Variants in NR3C1 observed in about 807,000 individuals in gnomAD.
The protein encoded by NR3C1 is glucocorticoid receptor.
A neutral mutation model predicts 74.0 loss-of-function variants in NR3C1; 14 were observed. That is an observed-to-expected ratio of 0.19 (90% CI 0.12 to 0.30). NR3C1 has a LOEUF of 0.30. Among genes scored for constraint, NR3C1 ranks in the 10% least tolerant of loss-of-function variants. The probability of loss-of-function intolerance (pLI) is 1.00; values close to 1 mark genes in which losing one functional copy is unlikely to be tolerated. For missense variants in NR3C1, 695 were observed against 909.8 expected, an observed-to-expected ratio of 0.76 and a Z score of 3.04; for synonymous variants, 308 against 332.5, an observed-to-expected ratio of 0.93 and a Z score of 0.80.
At chr5:143,345,982 T>A (rs1190621283) in intron 2 of NR3C1, among the ~76,000 whole-genome samples, 1 of 152,186 alleles carries the variant, frequency 6.6e-6, no homozygotes, top group Non-Finnish European at 1.5e-5. Context: ...TGATGTTAAG[T>A]GAGAGCTTAC....
chr5:143,315,131 CTT>C (rs1353632033), intron 2 of NR3C1, among the ~76,000 whole-genome samples: 1 of 152,168 alleles, frequency 6.6e-6, no homozygotes, highest in African/African-American at 2.4e-5. Context: ...TTCACCAAGT[CTT>C]AACATTTTGC....
chr5:143,434,665 C>G (rs2151965930), exon 1 of NR3C1: 1 of 985,410 alleles, frequency 1.0e-6, no homozygotes, highest in Non-Finnish European at 1.2e-6. Context: ...TGTTCCTCCC[C>G]ATTCTCGCAC....
At chr5:143,306,835 C>T (rs1036753135) in intron 4 of NR3C1, among the ~76,000 whole-genome samples, 4 of 139,288 alleles carry the variant, frequency 2.9e-5, no homozygotes, top group Non-Finnish European at 6.2e-5. Flanking sequence ...ATTTTTAATA[C>T]AATATTTTGA....
intron 2 of NR3C1, among the ~76,000 whole-genome samples, chr5:143,362,288 A>C (rs1832389381): frequency 6.6e-6 from 1 of 152,092 alleles, no homozygotes; most frequent in Non-Finnish European, 1.5e-5. Flanking sequence ...AGCAGTAGCC[A>C]TGAAAATAAC....
chr5:143,400,083 T>C lies in NR3C1; in HGVS notation c.757A>G (p.Thr253Ala), dbSNP rs775366221. Residue 253 changes from threonine to alanine, a missense_variant, in exon 2 of 9, where the codon ACT (threonine) becomes GCT (alanine). This residue lies in a region of NR3C1 where 497 missense variants were observed against 489.5 expected (regional missense o/e 1.02). Transcript: ENST00000394464. ...CCATTATCCTTAATTTTGGGTTTAG[T>C]GTCCGGTAAAATGAGAGGCTTGCAG... ...EDCKPLILPD[T>A]KPKIKDNGDL... The C allele has an allele frequency of 3.7e-6, 6 of 1,614,240 alleles. No homozygotes were observed. The highest frequency in any genetic ancestry group is 5.1e-6 in the Non-Finnish European group (6 of 1,180,042).
intron 1 of NR3C1, among the ~76,000 whole-genome samples, chr5:143,430,092 AAAG>A (rs1320640004): frequency 6.6e-6 from 1 of 151,702 alleles, no homozygotes; most frequent in Non-Finnish European, 1.5e-5. Context: ...CAAAAAAAAA[AAAG>A]AAAAGAAAAG....
chr5:143,308,239 T>G (rs917447486), intron 4 of NR3C1, among the ~76,000 whole-genome samples: 1 of 151,974 alleles, frequency 6.6e-6, no homozygotes, highest in Admixed American at 6.6e-5. Flanking sequence ...GTTGGGAGGA[T>G]CACTTAAGGC....
intron 4 of NR3C1, among the ~76,000 whole-genome samples, chr5:143,306,494 T>C (rs1457821339): frequency 1.3e-5 from 2 of 152,236 alleles, no homozygotes; most frequent in Non-Finnish European, 2.9e-5. Flanking sequence ...ACAAAAATGA[T>C]AGTTTTACAG....
upstream of NR3C1, among the ~76,000 whole-genome samples, chr5:143,406,674 A>G (rs1313802574): frequency 1.3e-5 from 2 of 152,192 alleles, no homozygotes; most frequent in Non-Finnish European, 2.9e-5. Context: ...CGATTTTTCA[A>G]TATGAGGACA....
At chr5:143,410,143 CA>C (rs1841244310) in intron 1 of NR3C1, among the ~76,000 whole-genome samples, 1 of 152,158 alleles carries the variant, frequency 6.6e-6, no homozygotes, top group African/African-American at 2.4e-5. Context: ...TCATTTGTGG[CA>C]TTTGTGGCTC....
At chr5:143,370,591 T>G (rs1400835650) in intron 2 of NR3C1, among the ~76,000 whole-genome samples, 1 of 152,226 alleles carries the variant, frequency 6.6e-6, no homozygotes, top group East Asian at 1.9e-4. Flanking sequence ...GGCTACAGAC[T>G]TGTACATTGT....
intron 2 of NR3C1, among the ~76,000 whole-genome samples, chr5:143,327,312 C>A (rs1390900700): frequency 1.3e-5 from 2 of 152,032 alleles, no homozygotes; most frequent in Admixed American, 6.5e-5. Context: ...ATGGAAAAAA[C>A]CCCCCCATGA....
intron 1 of NR3C1, among the ~76,000 whole-genome samples, chr5:143,401,588 G>A (rs530795884): frequency 6.6e-6 from 1 of 152,332 alleles, no homozygotes; most frequent in East Asian, 1.9e-4. Flanking sequence ...AAGAGCAGAA[G>A]AGAAGGTGTA....
At chr5:143,349,555 T>C (rs779805541) in intron 2 of NR3C1, among the ~76,000 whole-genome samples, 25 of 152,200 alleles carry the variant, frequency 1.6e-4, no homozygotes, top group Non-Finnish European at 2.8e-4. Flanking sequence ...GCTTCAGTTA[T>C]AGTGGTTTAA....
At chr5:143,430,950 T>G (rs1165372596) in intron 1 of NR3C1, among the ~76,000 whole-genome samples, 8 of 152,226 alleles carry the variant, frequency 5.3e-5, no homozygotes. Context: ...TTATAAGTAA[T>G]TCTGCTTAGG....
chr5:143,374,425 A>G (rs1472500891), intron 2 of NR3C1, among the ~76,000 whole-genome samples: 1 of 151,690 alleles, frequency 6.6e-6, no homozygotes, highest in African/African-American at 2.4e-5. Flanking sequence ...AGGGAGGCGG[A>G]GCTTGCAGTG....
intron 2 of NR3C1, among the ~76,000 whole-genome samples, chr5:143,342,531 G>GA (rs1317253828): frequency 6.6e-6 from 1 of 152,172 alleles, no homozygotes; most frequent in Admixed American, 6.5e-5. Flanking sequence ...AACATTTGCT[G>GA]AATCAATTTA....
rs141775111 is a variant in NR3C1, at chr5:143,363,905, T to C, written c.1184+35751A>G. Among the ~76,000 whole-genome samples the C allele has an allele frequency of 1.0e-3, 155 of 152,114 alleles. 3 individuals carry two copies. The East Asian group carries it at 0.022, about 22-fold the overall frequency. The stretch of plus-strand genomic sequence containing the variant: ...AAAAACTGGACAGAGTCTCAGAGAC[T>C]TCTGGGACACCACCAAACAAAGCAA... On this transcript the variant is annotated intron_variant, in intron 2 of 8. Coordinates refer to ENST00000394464, the MANE Select transcript of NR3C1 (RefSeq NM_000176.3).
intron 6 of NR3C1, among the ~76,000 whole-genome samples, chr5:143,296,629 T>C (rs1485324496): frequency 1.3e-5 from 2 of 151,628 alleles, no homozygotes; most frequent in Non-Finnish European, 2.9e-5. Flanking sequence ...CAACAACAAT[T>C]TTTTTTTCCC....
Sources: allele counts gnomAD v4.1 joint callset (sites outside exome capture counted in the v4.1 genomes callset), GRCh38; gene constraint gnomAD v4.1.1; regional missense constraint gnomAD v4.1.1; transcripts MANE v1.5; gene names NCBI Gene and HGNC (gene_info 2026-07-23, HGNC 2026-07-21).